Variants in EXOC5 observed in about 807,000 individuals in gnomAD.
EXOC5 encodes exocyst complex component 5.
EXOC5 carries 17 observed loss-of-function variants against 90.8 expected under a neutral mutation model. The ratio of observed to expected loss-of-function variants is 0.19; its 90% CI spans 0.13 to 0.28. The LOEUF is 0.28. EXOC5 is among the 10% of genes least tolerant of loss of function. The pLI is 1.00. For synonymous variants in EXOC5, 260 were observed against 270.0 expected, an observed-to-expected ratio of 0.96 and a Z score of 0.36; for missense variants, 569 against 830.6, an observed-to-expected ratio of 0.69 and a Z score of 3.87.
chr14:57,258,566 A>C (rs1462856399), intron 1 of EXOC5, among the ~76,000 whole-genome samples: 1 of 152,150 alleles, frequency 6.6e-6, no homozygotes, highest in African/African-American at 2.4e-5. Flanking sequence ...GGACTAGGGG[A>C]GGGACAGCAT....
At chr14:57,267,039 A>C (rs1443852565) in intron 1 of EXOC5, among the ~76,000 whole-genome samples, 1 of 152,186 alleles carries the variant, frequency 6.6e-6, no homozygotes, top group East Asian at 1.9e-4. Flanking sequence ...GCTTGCCGGC[A>C]AATACCTTAA....
At chr14:57,214,904 G>A (rs1176913221) in intron 15 of EXOC5, among the ~76,000 whole-genome samples, 1 of 152,146 alleles carries the variant, frequency 6.6e-6, no homozygotes, top group African/African-American at 2.4e-5. Flanking sequence ...CCCAGGACCA[G>A]ATGGCCTTAC....
In EXOC5 at chr14:57,227,943, T is replaced by TACAC. The variant is rs575026079; in HGVS notation, c.1296+1790_1296+1791insGTGT. On this transcript the variant is annotated intron_variant, in intron 12 of 17. Transcript: ENST00000621441. ...TGAAATAAGTTTACATACATATATA[T>TACAC]ATACACACACACACACACACACACA... 4.2e-4 allele frequency among the ~76,000 whole-genome samples: 52 copies of TACAC among 123,654 alleles called. 1 individual carries two copies. The South Asian group carries it at 0.011, about 26-fold the overall frequency. 81.1% of individuals were successfully genotyped at this position (123,654 alleles called of 152,430 possible).
At chr14:57,260,635 G>A (rs970495186) in intron 1 of EXOC5, among the ~76,000 whole-genome samples, 2 of 152,092 alleles carry the variant, frequency 1.3e-5, no homozygotes, top group Admixed American at 6.5e-5. Context: ...TACAATTCCT[G>A]TTACACTAGT....
intron 4 of EXOC5, among the ~76,000 whole-genome samples, chr14:57,240,110 A>G (rs926302719): frequency 3.3e-5 from 5 of 152,224 alleles, no homozygotes; most frequent in African/African-American, 1.2e-4. Context: ...ATTACTGATC[A>G]TATGAATTTA....
chr14:57,266,200 C>T (rs974583555), intron 1 of EXOC5, among the ~76,000 whole-genome samples: 7 of 152,208 alleles, frequency 4.6e-5, no homozygotes, highest in Non-Finnish European at 7.3e-5. Context: ...TGACTACATC[C>T]TGCCTTCCGT....
Position 57,222,299 on chromosome 14 carries a change from T to C in EXOC5, c.1405+9A>G, listed in dbSNP as rs1350499147. ...GAATTTAACACAAGTGTAACACAAA[T>C]ATACTTACCAGCAAGTCCTGTTTCC... On this transcript the variant is annotated intron_variant, in intron 13 of 17. Transcript: ENST00000621441. 1.5e-6 allele frequency: 2 copies of C among 1,345,698 alleles called. No individual in the cohort carries two copies. The highest frequency in any genetic ancestry group is 2.1e-6 in the Non-Finnish European group (2 of 954,202). 83.4% of individuals were successfully genotyped at this position (1,345,698 alleles called of 1,614,324 possible).
chr14:57,220,311 A>G (rs559439258), intron 13 of EXOC5, among the ~76,000 whole-genome samples: 1 of 152,262 alleles, frequency 6.6e-6, no homozygotes, highest in East Asian at 1.9e-4. Flanking sequence ...ATCAATACAT[A>G]TGTAGAAAAT....
Position 57,233,770 on chromosome 14 carries a change from A to C in EXOC5, c.828T>G (p.Ile276Met). 6.3e-7 allele frequency: 1 copy of C among 1,584,212 alleles called. No individual in the cohort carries two copies. Residue 276 changes from isoleucine (I) to methionine (M), a missense_variant, in exon 9 of 18, where the codon ATT becomes ATG. Around this residue, in one of 9 missense-constraint regions of EXOC5, gnomAD observed 114 missense variants for 111.2 expected, o/e 1.03. Transcript: ENST00000621441. The stretch of plus-strand genomic sequence containing the variant: ...GTAGTTTGATTTCAAATACATTTTG[A>C]ATAAGTTTAGCCAGGACTGTTTCTG... Reference protein sequence around the residue: ...SNPETVLAKLIQNVFEIKLQS... With the variant: ...SNPETVLAKLMQNVFEIKLQS...
At chr14:57,260,726 T>A (rs1477930864) in intron 1 of EXOC5, among the ~76,000 whole-genome samples, 1 of 152,208 alleles carries the variant, frequency 6.6e-6, no homozygotes, top group African/African-American at 2.4e-5. Context: ...AGCTCTTTCA[T>A]CTCATTTTTA....
intron 1 of EXOC5, among the ~76,000 whole-genome samples, chr14:57,259,252 T>A (rs1210768049): frequency 6.6e-6 from 1 of 151,970 alleles, no homozygotes; most frequent in Non-Finnish European, 1.5e-5. Context: ...GTGTGCGCCA[T>A]CACATCCGGC....
intron 1 of EXOC5, among the ~76,000 whole-genome samples, chr14:57,249,797 G>C (rs936274860): frequency 2.0e-5 from 3 of 152,076 alleles, no homozygotes; most frequent in Non-Finnish European, 2.9e-5. Context: ...TTGAGACTGA[G>C]TTTCGCTCTT....
intron 1 of EXOC5, 90 bp downstream of exon 1, chr14:57,268,532 G>A: frequency 6.5e-7 from 1 of 1,539,924 alleles, no homozygotes; most frequent in Non-Finnish European, 8.7e-7. Context: ...CTCCTCCTGG[G>A]CAGCCAGCAA....
chr14:57,268,849 C>T lies in EXOC5; in HGVS notation c.-201G>A, dbSNP rs1013808811. ...AGCCGCAAACGCTTGTCAGCTGCCT[C>T]CCGGCGCCGCCCGCGCTGCTCCCAT... On this transcript the variant is annotated 5_prime_UTR_variant, in exon 1 of 18. Coordinates refer to ENST00000621441, the MANE Select transcript of EXOC5 (RefSeq NM_006544.4). 16 of 1,275,506 alleles carry T rather than the reference C, an allele frequency of 1.3e-5. No individual in the cohort carries two copies. In the Admixed American group the frequency reaches 2.5e-4, roughly 20 times the overall value. 79.0% of individuals were successfully genotyped at this position (1,275,506 alleles called of 1,614,324 possible). A position where few individuals can be genotyped will look rare whatever the true frequency, so the allele number is the denominator to read the frequency against.
chr14:57,220,212 T>G (rs1241805241), intron 13 of EXOC5, among the ~76,000 whole-genome samples: 1 of 145,932 alleles, frequency 6.9e-6, no homozygotes, highest in Non-Finnish European at 1.5e-5. Context: ...CCGCCCCCCC[T>G]GCCCCCGCAA....
chr14:57,239,648 T>C lies in EXOC5; in HGVS notation c.477A>G (p.Ala159=). 6.5e-7 allele frequency: 1 copy of C among 1,531,558 alleles called. No homozygotes were observed. Among genetic ancestry groups the C allele is most frequent in the Non-Finnish European group, 8.8e-7 (1 of 1,137,402 alleles). The allele number at this position is 1,531,558 out of a possible 1,614,324, so 94.9% of individuals were successfully genotyped here. ...GGTGCAACTTCTGAATGATGTCTGC[T>C]GCTTCCTTTATCTATGAAAAAATAA... ...VFTNSEKIKE[A]ADIIQKLHLI... Residue 159 remains alanine (A), a synonymous_variant, in exon 5 of 18, where the codon GCA becomes GCG. Transcript: ENST00000621441.
rs1426750938 is a variant in EXOC5, at chr14:57,204,745, T to A, written c.*3864A>T. The A allele has an allele frequency of 1.3e-5, 2 of 152,486 alleles. No individual in the cohort carries two copies. The highest frequency in any genetic ancestry group is 2.9e-5 in the Non-Finnish European group (2 of 67,934). The allele number at this position is 152,486 out of a possible 1,614,324, so 9.4% of individuals were successfully genotyped here. On this transcript the variant is annotated 3_prime_UTR_variant, in exon 18 of 18. Coordinates refer to ENST00000621441, the MANE Select transcript of EXOC5 (RefSeq NM_006544.4). Reference sequence around the variant, plus strand: ...GTACAAACTTAACATTAAAATTTCATGACCACTTATAATATTTAAAAAATC... The same window carrying A: ...GTACAAACTTAACATTAAAATTTCAAGACCACTTATAATATTTAAAAAATC...
rs766069469 is a variant in EXOC5 at position 57,218,072 on chromosome 14, T to C, written c.1527-4A>G. Reference sequence around the variant, plus strand: ...TTCAGATAACTTAGGAGAAGAGCTATTGTATATTTAAAATGGAAAAAGAAT... The same window carrying C: ...TTCAGATAACTTAGGAGAAGAGCTACTGTATATTTAAAATGGAAAAAGAAT... On this transcript the variant is annotated splice_region_variant and splice_polypyrimidine_tract_variant and intron_variant, in intron 14 of 17. Transcript: ENST00000621441. 18 of 1,368,262 alleles carry C rather than the reference T, an allele frequency of 1.3e-5. No homozygotes were observed. The highest frequency in any genetic ancestry group is 1.9e-4 in the Middle Eastern group (1 of 5,270). The allele number at this position is 1,368,262 out of a possible 1,614,324, so 84.8% of individuals were successfully genotyped here.
chr14:57,250,365 G>C (rs1175796273), intron 1 of EXOC5, among the ~76,000 whole-genome samples: 1 of 152,092 alleles, frequency 6.6e-6, no homozygotes, highest in Non-Finnish European at 1.5e-5. Flanking sequence ...CTGAAGAAAA[G>C]GCCAGGTTCT....
Sources: gnomAD v4.1 joint callset for allele counts (sites outside exome capture counted in the v4.1 genomes callset) on GRCh38, gnomAD v4.1.1 for gene constraint, gnomAD v4.1.1 regional missense constraint, MANE v1.5 for transcripts, NCBI Gene and HGNC (gene_info 2026-07-23, HGNC 2026-07-21) for gene names.